PYROXD1: variants seen among roughly 807,000 people sequenced by gnomAD.
PYROXD1 encodes the protein tRNA ligase complex-associated NAD(P)H dehydrogenase PYROXD1.
In PYROXD1, 42 loss-of-function variants were observed where a neutral mutation model predicts 62.0. That is an observed-to-expected ratio of 0.68 (90% CI 0.53 to 0.88). The LOEUF (loss-of-function observed/expected upper bound fraction) is 0.88. PYROXD1 is among the 40% of genes least tolerant of loss of function. The pLI is 0.00. For missense variants in PYROXD1, 493 were observed against 604.8 expected (o/e 0.82, Z 1.94); for synonymous variants, 170 against 206.4 (o/e 0.82, Z 1.51).
At chr12:21,438,753 A>G (rs1942241321) in intron 1 of PYROXD1, among the ~76,000 whole-genome samples, 1 of 152,216 alleles carries the variant, frequency 6.6e-6, no homozygotes. Context: ...CACTGAAGTC[A>G]TAAGAAATAG....
chr12:21,466,341 A>T (rs368341058), intron 10 of PYROXD1, among the ~76,000 whole-genome samples: 1 of 148,030 alleles, frequency 6.8e-6, no homozygotes, highest in Non-Finnish European at 1.5e-5. Context: ...CTTTTATTTC[A>T]TTGAGCAGTG....
At chr12:21,460,504 A>G (rs887767449) in intron 7 of PYROXD1, among the ~76,000 whole-genome samples, 2 of 150,954 alleles carry the variant, frequency 1.3e-5, no homozygotes, top group African/African-American at 2.4e-5. Flanking sequence ...GCTCGCTGCA[A>G]CCTCTGCCTC....
In PYROXD1 at chr12:21,449,394, T is replaced by G. The variant is rs575885584; in HGVS notation, c.286-169T>G. On this transcript the variant is annotated intron_variant, in intron 3 of 11. Transcript: ENST00000240651. ...AGAATAACTGGATTAGTACATGTAT[T>G]CTCATGCTTAGTTTTGTAATTGCTA... Among the ~76,000 whole-genome samples, 389 of 152,334 alleles carry G rather than the reference T, an allele frequency of 2.6e-3. 1 individual carries two copies. The highest frequency in any genetic ancestry group is 8.6e-3 in the African/African-American group (356 of 41,576).
At chr12:21,460,148 TAGG>T (rs1272941675) in intron 7 of PYROXD1, among the ~76,000 whole-genome samples, 3 of 152,090 alleles carry the variant, frequency 2.0e-5, no homozygotes, top group African/African-American at 7.2e-5. Flanking sequence ...TTTCAGTAGG[TAGG>T]AGGGGAGCTG....
chr12:21,440,240 G>C, intron 1 of PYROXD1, 128 bp from the exon 2 acceptor site: 1 of 569,560 alleles, frequency 1.8e-6, no homozygotes. Flanking sequence ...TTTAGATGAG[G>C]AACAGTGGGT....
intron 7 of PYROXD1, among the ~76,000 whole-genome samples, chr12:21,458,416 T>G (rs1942638066): frequency 6.6e-6 from 1 of 152,230 alleles, no homozygotes; most frequent in Non-Finnish European, 1.5e-5. Flanking sequence ...GCAAGAAGAC[T>G]GTTTCGCTTT....
intron 4 of PYROXD1, among the ~76,000 whole-genome samples, chr12:21,451,293 C>G (rs1942493216): frequency 6.6e-6 from 1 of 151,118 alleles, no homozygotes; most frequent in South Asian, 2.1e-4. Flanking sequence ...GCACCAAGTG[C>G]AGGTTTGTTA....
chr12:21,459,780 A>G (rs2137277475), intron 7 of PYROXD1, among the ~76,000 whole-genome samples: 1 of 152,328 alleles, frequency 6.6e-6, no homozygotes, highest in Middle Eastern at 3.4e-3. Context: ...TCACAGAAGT[A>G]TTCTGTGTTG....
At chr12:21,456,883 C>A in intron 7 of PYROXD1, 1 of 455,252 alleles carries the variant, frequency 2.2e-6, no homozygotes, top group South Asian at 1.6e-5. Context: ...ACAGCATCCT[C>A]ACCAGAAGTA....
At chr12:21,445,554 A>C in intron 3 of PYROXD1, 88 bp downstream of exon 3, 1 of 1,284,654 alleles carries the variant, frequency 7.8e-7, no homozygotes, top group Non-Finnish European at 1.0e-6. Context: ...CTCTACTACC[A>C]CCACCATTTA....
intron 1 of PYROXD1, 108 bp downstream of exon 1, chr12:21,437,922 T>G: frequency 9.7e-7 from 1 of 1,026,574 alleles, no homozygotes; most frequent in Non-Finnish European, 1.4e-6. Context: ...GTTCCTTTTT[T>G]GCTGCGCCCT....
In PYROXD1 at chr12:21,468,569, T is replaced by G. The variant is rs761393470; in HGVS notation, c.1318T>G (p.Cys440Gly). ...TTCAGATCATGAATTAATGCTGAGA[T>G]GTACCAAAGGACGAGAATACATCAA... ...LGSDHELMLR[C>G]TKGREYIKVV... The change falls in exon 12 of 12, where the codon TGT (cysteine) becomes GGT (glycine). Residue 440 changes from cysteine (C) to glycine (G), a missense_variant. This residue lies in a region of PYROXD1 where 329 missense variants were observed against 446.6 expected (regional missense o/e 0.74). Transcript: ENST00000240651. 6.2e-7 allele frequency: 1 copy of G among 1,613,036 alleles called. No individual in the cohort carries two copies. The highest frequency in any genetic ancestry group is 1.1e-5 in the South Asian group (1 of 91,068).
intron 11 of PYROXD1, among the ~76,000 whole-genome samples, chr12:21,467,967 G>C (rs988984070): frequency 2.0e-5 from 3 of 146,628 alleles, no homozygotes; most frequent in African/African-American, 7.9e-5. Context: ...GAGCTTTCCT[G>C]TATCTATTAT....
At chr12:21,462,885 A>G (rs1260981753) in intron 10 of PYROXD1, 23 bp downstream of exon 10, 3 of 1,597,340 alleles carry the variant, frequency 1.9e-6, no homozygotes, top group Non-Finnish European at 2.6e-6. Flanking sequence ...ATATAATTAT[A>G]TGTTTTCATC....
rs951698259 is a variant in PYROXD1 at position 21,469,061 on chromosome 12, T to G, written c.*307T>G. 3.8e-5 allele frequency: 10 copies of G among 261,168 alleles called. No individual in the cohort carries two copies. The highest frequency in any genetic ancestry group is 2.3e-4 in the African/African-American group (10 of 43,590). 16.2% of individuals were successfully genotyped at this position (261,168 alleles called of 1,614,324 possible). A position where few individuals can be genotyped will look rare whatever the true frequency, so the allele number is the denominator to read the frequency against. On this transcript the variant is annotated 3_prime_UTR_variant, in exon 12 of 12. Transcript: ENST00000240651. ...AGCTTTGGAGCAAATTTAGGTAAGT[T>G]ATCTACTTAGCCAAATGTACTCTAG...
chr12:21,465,347 T>C (rs1942772710), intron 10 of PYROXD1, among the ~76,000 whole-genome samples: 1 of 152,202 alleles, frequency 6.6e-6, no homozygotes, highest in Non-Finnish European at 1.5e-5. Context: ...TCCTGACTTT[T>C]TAATGATTGC....
chr12:21,442,312 G>A (rs1214057612), intron 2 of PYROXD1, among the ~76,000 whole-genome samples: 1 of 152,190 alleles, frequency 6.6e-6, no homozygotes, highest in Non-Finnish European at 1.5e-5. Flanking sequence ...TACCCGTACT[G>A]CTATATTGGT....
chr12:21,457,712 G>A (rs143454824), intron 7 of PYROXD1, among the ~76,000 whole-genome samples: 1 of 144,778 alleles, frequency 6.9e-6, no homozygotes, highest in Non-Finnish European at 1.5e-5. Context: ...GAGAGAAGGG[G>A]GCTGGTGCCA....
rs1183244898 is a variant in PYROXD1, at chr12:21,469,911, AAAACTT to A, written c.*1160_*1165del. Reference sequence around the variant, plus strand: ...TATAGCTAAGTATATAAAGGCATAAAAAACTTAAGACGATTGTATGAACTTATTCTC... The same window carrying A: ...TATAGCTAAGTATATAAAGGCATAAAAAGACGATTGTATGAACTTATTCTC... On this transcript the variant is annotated 3_prime_UTR_variant, in exon 12 of 12. Coordinates refer to ENST00000240651, the MANE Select transcript of PYROXD1 (RefSeq NM_024854.5). The A allele has an allele frequency of 7.2e-6, 2 of 276,872 alleles. No individual in the cohort carries two copies. Among genetic ancestry groups the A allele is most frequent in the Non-Finnish European group, 1.3e-5 (2 of 149,616 alleles). The allele number at this position is 276,872 out of a possible 1,614,324, so 17.2% of individuals were successfully genotyped here.
Sources: allele counts gnomAD v4.1 joint callset (sites outside exome capture counted in the v4.1 genomes callset), GRCh38; gene constraint gnomAD v4.1.1; regional missense constraint gnomAD v4.1.1; transcripts MANE v1.5; gene names NCBI Gene and HGNC (gene_info 2026-07-23, HGNC 2026-07-21).